Variants in REC114 observed in about 807,000 individuals in gnomAD.
REC114 encodes the protein meiotic recombination protein REC114.
A neutral mutation model predicts 31.3 loss-of-function variants in REC114; 27 were observed. The ratio of observed to expected loss-of-function variants is 0.86; its 90% confidence interval spans 0.64 to 1.19. The LOEUF (loss-of-function observed/expected upper bound fraction) is 1.19. Among genes scored for constraint, REC114 ranks in the 50% most tolerant of loss-of-function variants. The pLI is 0.00. For synonymous variants in REC114, 134 were observed against 127.7 expected (o/e 1.05, Z -0.33); for missense variants, 344 against 326.9 (o/e 1.05, Z -0.40).
chr15:73,554,294 G>A (rs1008968848), intron 4 of REC114, among the ~76,000 whole-genome samples: 1 of 152,048 alleles, frequency 6.6e-6, no homozygotes, highest in Non-Finnish European at 1.5e-5. Context: ...CCTTAACTCT[G>A]TTGTACAAAT....
intron 1 of REC114, among the ~76,000 whole-genome samples, chr15:73,471,620 C>A (rs1893133352): frequency 6.6e-6 from 1 of 151,536 alleles, no homozygotes; most frequent in Non-Finnish European, 1.5e-5. Flanking sequence ...TAAACTGGGG[C>A]TCTCCTGGAA....
intron 2 of REC114, among the ~76,000 whole-genome samples, chr15:73,511,558 C>T (rs1893769554): frequency 2.1e-5 from 3 of 146,258 alleles, no homozygotes; most frequent in Admixed American, 6.8e-5. Flanking sequence ...TTGGATCTTT[C>T]CTGCTTTCTC....
chr15:73,556,529 G>A lies in REC114; in HGVS notation c.636+138G>A, dbSNP rs1309938684. ...TCTAAAAGGTGATAGAGACAGAGACGGGCCATTTTCATCTACCCCTTGCAG... is the reference window on the plus strand; with the variant it reads ...TCTAAAAGGTGATAGAGACAGAGACAGGCCATTTTCATCTACCCCTTGCAG... On this transcript the variant is annotated intron_variant, in intron 5 of 5. Transcript: ENST00000331090. 12 of 723,920 alleles carry A rather than the reference G, an allele frequency of 1.7e-5. No homozygotes were observed. The Admixed American group carries it at 1.9e-4, about 11-fold the overall frequency. The allele number at this position is 723,920 out of a possible 1,614,324, so 44.8% of individuals were successfully genotyped here.
At position 73,539,282 on chromosome 15, in the gene REC114, A is replaced by ATTTTTTT. The variant is rs753968018; in HGVS notation, c.250-1183_250-1177dup. Among the ~76,000 whole-genome samples, 39 of 70,822 alleles carry ATTTTTTT rather than the reference A, an allele frequency of 5.5e-4. 5 individuals are homozygous for ATTTTTTT. The East Asian group carries it at 8.1e-3, about 15-fold the overall frequency. 46.5% of individuals were successfully genotyped at this position (70,822 alleles called of 152,430 possible). On this transcript the variant is annotated intron_variant, in intron 2 of 5. Transcript: ENST00000331090. The stretch of plus-strand genomic sequence containing the variant: ...GCTTAGAGGTAGCATTTCAGAACTG[A>ATTTTTTT]TTTTTTTTTTTTTTTTTTTTTTTTT...
At chr15:73,463,740 G>A (rs1377033634) in intron 1 of REC114, among the ~76,000 whole-genome samples, 2 of 151,876 alleles carry the variant, frequency 1.3e-5, no homozygotes, top group African/African-American at 4.8e-5. Flanking sequence ...AGAATCACTT[G>A]AACCCACGAG....
chr15:73,501,400 G>A (rs1435522792), intron 2 of REC114, among the ~76,000 whole-genome samples: 5 of 152,216 alleles, frequency 3.3e-5, no homozygotes, highest in Admixed American at 3.3e-4. Context: ...TCCAAATGGT[G>A]ATAAGAGTTT....
At chr15:73,458,533 A>T (rs1892948261) in intron 1 of REC114, among the ~76,000 whole-genome samples, 1 of 152,184 alleles carries the variant, frequency 6.6e-6, no homozygotes, top group African/African-American at 2.4e-5. Flanking sequence ...AGTGACATAT[A>T]ACAGTGGATT....
chr15:73,526,277 C>G (rs2141322443), intron 2 of REC114, among the ~76,000 whole-genome samples: 1 of 152,264 alleles, frequency 6.6e-6, no homozygotes, highest in African/African-American at 2.4e-5. Flanking sequence ...ATTCTGACAA[C>G]CTCTTTTCAG....
chr15:73,460,393 A>G (rs1393511748), intron 1 of REC114, among the ~76,000 whole-genome samples: 1 of 152,190 alleles, frequency 6.6e-6, no homozygotes, highest in Non-Finnish European at 1.5e-5. Flanking sequence ...CTGTTTAGAG[A>G]TGGTTAAAGC....
chr15:73,535,189 T>G lies in REC114; in HGVS notation c.250-5296T>G, dbSNP rs372817955. 4.1e-4 allele frequency among the ~76,000 whole-genome samples: 60 copies of G among 147,140 alleles called. No homozygotes were observed. In the South Asian group the frequency reaches 0.011, roughly 26 times the overall value. On this transcript the variant is annotated intron_variant, in intron 2 of 5. Transcript: ENST00000331090. ...TGGAAGTTCTGGCCAGGGCAATTAG[T>G]CAGGAGAAGGAAATAAAGGGTATTC...
intron 2 of REC114, among the ~76,000 whole-genome samples, chr15:73,509,883 C>T (rs1893737524): frequency 6.6e-6 from 1 of 151,698 alleles, no homozygotes; most frequent in South Asian, 2.1e-4. Context: ...TGTGATGCCT[C>T]CAGCTTTGTT....
chr15:73,449,763 C>T (rs532128111), intron 1 of REC114, among the ~76,000 whole-genome samples: 1 of 152,258 alleles, frequency 6.6e-6, no homozygotes, highest in East Asian at 1.9e-4. Flanking sequence ...GTTGGGTAAC[C>T]CACAAAGTGA....
chr15:73,542,051 C>T (rs1863637978), intron 3 of REC114, among the ~76,000 whole-genome samples: 1 of 151,678 alleles, frequency 6.6e-6, no homozygotes, highest in Non-Finnish European at 1.5e-5. Flanking sequence ...GAAATCTAGG[C>T]TGGGCATGGT....
intron 2 of REC114, among the ~76,000 whole-genome samples, chr15:73,523,117 T>A (rs1299194921): frequency 2.0e-5 from 3 of 152,188 alleles, no homozygotes; most frequent in Admixed American, 6.6e-5. Flanking sequence ...GAGTTGTCTA[T>A]AAGAGGTTAT....
intron 2 of REC114, among the ~76,000 whole-genome samples, chr15:73,528,233 G>A (rs1003880786): frequency 6.6e-6 from 1 of 152,066 alleles, no homozygotes; most frequent in Non-Finnish European, 1.5e-5. Context: ...GATGTATTCT[G>A]TCTCATAAAG....
At chr15:73,497,195 C>T (rs911228923) in intron 2 of REC114, among the ~76,000 whole-genome samples, 4 of 152,158 alleles carry the variant, frequency 2.6e-5, no homozygotes, top group African/African-American at 9.7e-5. Flanking sequence ...TACCTTCTTT[C>T]TCACAATACT....
intron 1 of REC114, among the ~76,000 whole-genome samples, chr15:73,471,016 C>T (rs775691583): frequency 3.3e-5 from 5 of 152,076 alleles, no homozygotes; most frequent in Admixed American, 1.3e-4. Flanking sequence ...GGGCCTAGAC[C>T]GTGGAGTGCG....
At chr15:73,496,459 C>T (rs983797892) in intron 2 of REC114, among the ~76,000 whole-genome samples, 19 of 151,646 alleles carry the variant, frequency 1.3e-4, no homozygotes, top group Middle Eastern at 3.4e-3. Flanking sequence ...TGGAGACCAC[C>T]CTGGCCAACA....
intron 2 of REC114, among the ~76,000 whole-genome samples, chr15:73,497,675 T>C (rs766220360): frequency 3.3e-5 from 5 of 152,192 alleles, no homozygotes; most frequent in African/African-American, 1.2e-4. Flanking sequence ...GTGATACATA[T>C]AGTAATATTG....
Sources: allele counts gnomAD v4.1 joint callset (sites outside exome capture counted in the v4.1 genomes callset), GRCh38; gene constraint gnomAD v4.1.1; transcripts MANE v1.5; gene names NCBI Gene and HGNC (gene_info 2026-07-23, HGNC 2026-07-21).